Variants in ZNF154 observed in about 807,000 individuals in gnomAD.
ZNF154 encodes the protein zinc finger protein 154 (pHZ-92).
ZNF154 carries 6 observed loss-of-function variants against 7.5 expected under a neutral mutation model. The ratio of observed to expected loss-of-function variants is 0.80; its 90% CI spans 0.44 to 1.57. The LOEUF is 1.57. Ranked by LOEUF, ZNF154 falls within the 40% of genes most tolerant of loss-of-function variation. The pLI, the probability that ZNF154 is intolerant of heterozygous loss-of-function variation, is 0.01. For missense variants in ZNF154, 485 were observed against 531.4 expected (o/e 0.91, Z 0.86); for synonymous variants, 187 against 185.9 (o/e 1.01, Z -0.05).
In ZNF154 at chr19:57,698,606, A is replaced by C. The variant is rs1478444203; in HGVS notation, c.*3029T>G. On this transcript the variant is annotated 3_prime_UTR_variant, in exon 3 of 3. Coordinates refer to ENST00000684351, the MANE Select transcript of ZNF154 (RefSeq NM_001085384.3). ...ACCATTTATTCTTATTAAAATTATT[A>C]TCAGGTTAGTGCAAAAGTAATTGCC... 6.6e-6 allele frequency: 1 copy of C among 152,224 alleles called. No individual in the cohort carries two copies. Among genetic ancestry groups the C allele is most frequent in the African/African-American group, 2.4e-5 (1 of 41,458 alleles). The allele number at this position is 152,224 out of a possible 1,614,324, so 9.4% of individuals were successfully genotyped here.
chr19:57,702,709 G>T lies in ZNF154; in HGVS notation c.240C>A (p.Cys80Ter). The T allele has an allele frequency of 6.2e-7, 1 of 1,613,432 alleles. No individual in the cohort carries two copies. Among genetic ancestry groups the T allele is most frequent in the East Asian group, 2.2e-5 (1 of 44,872 alleles). Residue 80 changes from cysteine to a stop codon, truncating the protein, a stop_gained, in exon 3 of 3, where the codon TGC becomes TGA. Coordinates refer to ENST00000684351, the MANE Select transcript of ZNF154 (RefSeq NM_001085384.3). LOFTEE classifies it low-confidence loss of function (END_TRUNC). Reference sequence around the variant, plus strand: ...AAGGCTCCCCTGACACATGGAATGTGCAGGTCTTCACAAACAAGGCTCTGC... The same window carrying T: ...AAGGCTCCCCTGACACATGGAATGTTCAGGTCTTCACAAACAAGGCTCTGC... ...NVGRALFVKTCTFHVSGEPST... is the reference protein window; with the variant it reads ...NVGRALFVKT
rs113810471 is a variant in ZNF154, at chr19:57,703,075, G to A, written c.161-287C>T. ...GTGCACATTAACTATGGTGGGAGGG[G>A]GCAGCCCTTATACAAGTGTGTGTAT... is the stretch of plus-strand genomic sequence containing the variant. On this transcript the variant is annotated intron_variant, in intron 2 of 2. Coordinates refer to ENST00000684351, the MANE Select transcript of ZNF154 (RefSeq NM_001085384.3). Among the ~76,000 whole-genome samples the A allele has an allele frequency of 2.0e-3, 306 of 152,266 alleles. 2 individuals carry two copies. Among genetic ancestry groups the A allele is most frequent in the African/African-American group, 7.1e-3 (294 of 41,532 alleles).
At position 57,702,277 on chromosome 19, in the gene ZNF154, T is replaced by G. The variant is rs1486159529; in HGVS notation, c.672A>C (p.Lys224Asn). 3 of 1,614,124 alleles carry G rather than the reference T, an allele frequency of 1.9e-6. No individual in the cohort carries two copies. In the South Asian group the frequency reaches 3.3e-5, roughly 18 times the overall value. ...VRPHECDECG[K>N]LFSNKSNLIK... ...TGAGGTTAGACTTGTTGCTAAATAA[T>G]TTTCCACATTCATCACATTCATGAG... The change falls in exon 3 of 3, where the codon AAA becomes AAC. Residue 224 changes from lysine (K) to asparagine (N), a missense_variant. Transcript: ENST00000684351.
intron 1 of ZNF154, among the ~76,000 whole-genome samples, chr19:57,706,766 G>A (rs1985410159): frequency 6.6e-6 from 1 of 152,194 alleles, no homozygotes; most frequent in African/African-American, 2.4e-5. Flanking sequence ...TTGGTCCTTA[G>A]CCCCCATTCT....
intron 1 of ZNF154, among the ~76,000 whole-genome samples, chr19:57,707,070 G>A (rs931216988): frequency 7.6e-5 from 11 of 144,798 alleles, no homozygotes; most frequent in Admixed American, 6.5e-4. Flanking sequence ...CCAAGCTCGC[G>A]CCATTGCACT....
intron 1 of ZNF154, among the ~76,000 whole-genome samples, chr19:57,707,342 G>A: frequency 6.6e-6 from 1 of 152,106 alleles, no homozygotes; most frequent in East Asian, 1.9e-4. Flanking sequence ...GAATATTACT[G>A]TTAATACCAA....
At position 57,699,702 on chromosome 19, in the gene ZNF154, T is replaced by C. The variant is rs1284722826; in HGVS notation, c.*1933A>G. On this transcript the variant is annotated 3_prime_UTR_variant, in exon 3 of 3. Coordinates refer to ENST00000684351, the MANE Select transcript of ZNF154 (RefSeq NM_001085384.3). The stretch of plus-strand genomic sequence containing the variant: ...GGTGAAAAAGCTTGGCTGGGCGCAG[T>C]GGCTCATGCCTGTAAATCCCAGCAC... 6.3e-6 allele frequency: 1 copy of C among 158,394 alleles called. No homozygotes were observed. The highest frequency in any genetic ancestry group is 1.4e-5 in the Non-Finnish European group (1 of 70,550). 9.8% of individuals were successfully genotyped at this position (158,394 alleles called of 1,614,324 possible).
At chr19:57,707,724 C>T (rs1246270440) in intron 1 of ZNF154, among the ~76,000 whole-genome samples, 2 of 152,196 alleles carry the variant, frequency 1.3e-5, no homozygotes, top group East Asian at 3.8e-4. Context: ...TAAAAGGAAA[C>T]AGATCTATGG....
intron 2 of ZNF154, among the ~76,000 whole-genome samples, chr19:57,703,969 A>G (rs1201474516): frequency 2.0e-5 from 3 of 152,154 alleles, no homozygotes; most frequent in Non-Finnish European, 4.4e-5. Flanking sequence ...AGATCATGCC[A>G]CTGCACTCCA....
At chr19:57,703,265 A>T (rs1365061507) in intron 2 of ZNF154, among the ~76,000 whole-genome samples, 1 of 152,002 alleles carries the variant, frequency 6.6e-6, no homozygotes, top group African/African-American at 2.4e-5. Context: ...AGGTGGGTGG[A>T]TCACAAAGTC....
rs553550713 is a variant in ZNF154, at chr19:57,698,520, G to A, written c.*3115C>T. On this transcript the variant is annotated 3_prime_UTR_variant, in exon 3 of 3. Coordinates refer to ENST00000684351, the MANE Select transcript of ZNF154 (RefSeq NM_001085384.3). ...TTGGCAGTTTCAAAATTGGCATGGT[G>A]GGAGCAATTACAGGTTAATATGAAT... The A allele has an allele frequency of 6.6e-5, 10 of 152,242 alleles. No homozygotes were observed. Among genetic ancestry groups the A allele is most frequent in the African/African-American group, 2.4e-4 (10 of 41,542 alleles). The allele number at this position is 152,242 out of a possible 1,614,324, so 9.4% of individuals were successfully genotyped here.
intron 2 of ZNF154, among the ~76,000 whole-genome samples, chr19:57,703,521 G>T (rs749634754): frequency 6.8e-6 from 1 of 148,078 alleles, no homozygotes; most frequent in Non-Finnish European, 1.5e-5. Context: ...TTACAGGAAT[G>T]TGGGAGATCT....
At position 57,698,439 on chromosome 19, in the gene ZNF154, CAG is replaced by C. The variant is rs1415051211; in HGVS notation, c.*3194_*3195del. On this transcript the variant is annotated 3_prime_UTR_variant, in exon 3 of 3. Transcript: ENST00000684351. ...GGCCACTGTATCAGTATGGTAGAAA[CAG>C]AATATATTAGGATGCTATCAGCAAC... 1 of 152,116 alleles carries C rather than the reference CAG, an allele frequency of 6.6e-6. No homozygotes were observed. The highest frequency in any genetic ancestry group is 2.4e-5 in the African/African-American group (1 of 41,412). The allele number at this position is 152,116 out of a possible 1,614,324, so 9.4% of individuals were successfully genotyped here.
chr19:57,701,707 C>T lies in ZNF154; in HGVS notation c.1242G>A (p.Glu414=). The change falls in exon 3 of 3, where the codon GAG becomes GAA. Residue 414 remains glutamate, a synonymous_variant. Transcript: ENST00000684351. ...RRVHTGEKPY[E]CTECGKSFSH... ...TAAAGGATTTCCCACATTCCGTGCA[C>T]TCATAAGGCTTCTCCCCAGTGTGAA... 6.2e-7 allele frequency: 1 copy of T among 1,614,170 alleles called. No individual in the cohort carries two copies. Among genetic ancestry groups the T allele is most frequent in the Non-Finnish European group, 8.5e-7 (1 of 1,180,008 alleles).
chr19:57,701,513 G>T lies in ZNF154; in HGVS notation c.*122C>A. 2 of 1,061,524 alleles carry T rather than the reference G, an allele frequency of 1.9e-6. No individual in the cohort carries two copies. The highest frequency in any genetic ancestry group is 2.7e-6 in the Non-Finnish European group (2 of 746,324). 65.8% of individuals were successfully genotyped at this position (1,061,524 alleles called of 1,614,324 possible). On this transcript the variant is annotated 3_prime_UTR_variant, in exon 3 of 3. Coordinates refer to ENST00000684351, the MANE Select transcript of ZNF154 (RefSeq NM_001085384.3). ...TACATATCAAAAGTGTCTTTCCCTT[G>T]TGAACTGTGTGGCACTCAATGAGAT...
chr19:57,709,002 C>T lies in ZNF154; in HGVS notation c.-31G>A, dbSNP rs1251402237. The T allele has an allele frequency of 4.6e-6, 7 of 1,535,666 alleles. No homozygotes were observed. Among genetic ancestry groups the T allele is most frequent in the South Asian group, 1.2e-5 (1 of 84,072 alleles). On this transcript the variant is annotated 5_prime_UTR_variant, in exon 1 of 3. Coordinates refer to ENST00000684351, the MANE Select transcript of ZNF154 (RefSeq NM_001085384.3). ...TCTGCGGGTAGAGCTGGGCCGGGAG[C>T]GACGGGCGACATTGGTAGGGACCCG...
At chr19:57,708,800 G>T in intron 1 of ZNF154, 139 bp downstream of exon 1, 1 of 1,157,544 alleles carries the variant, frequency 8.6e-7, no homozygotes, top group Non-Finnish European at 1.2e-6. Flanking sequence ...CACACGCAGT[G>T]TCAAAAAAAG....
rs1282344829 is a variant in ZNF154 at position 57,700,101 on chromosome 19, C to G, written c.*1534G>C. On this transcript the variant is annotated 3_prime_UTR_variant, in exon 3 of 3. Transcript: ENST00000684351. ...TTTTTGGAAAATCAGGTTTGACAAC[C>G]CTATGTTGATTCCACCATCTCTCTC... 2.0e-5 allele frequency: 3 copies of G among 152,136 alleles called. No individual in the cohort carries two copies. The highest frequency in any genetic ancestry group is 6.5e-5 in the Admixed American group (1 of 15,272). The allele number at this position is 152,136 out of a possible 1,614,324, so 9.4% of individuals were successfully genotyped here. A position where few individuals can be genotyped will look rare whatever the true frequency, so the allele number is the denominator to read the frequency against.
Position 57,702,311 on chromosome 19 carries a change from G to A in ZNF154, c.638C>T (p.Ala213Val). 6.2e-7 allele frequency: 1 copy of A among 1,612,826 alleles called. No homozygotes were observed. Among genetic ancestry groups the A allele is most frequent in the Non-Finnish European group, 8.5e-7 (1 of 1,178,972 alleles). ...SLIQHRRVHTAVRPHECDECG... is the reference protein window; with the variant it reads ...SLIQHRRVHTVVRPHECDECG... ...TTCATCACATTCATGAGGTCGTACT[G>A]CAGTGTGAACTCTCCGGTGCTGAAT... Residue 213 changes from alanine (A) to valine (V), a missense_variant, in exon 3 of 3, where the codon GCA (alanine) becomes GTA (valine). By Grantham distance (64) the Ala-to-Val change is moderately conservative (BLOSUM62 0). Coordinates refer to ENST00000684351, the MANE Select transcript of ZNF154 (RefSeq NM_001085384.3).
Sources: allele counts gnomAD v4.1 joint callset (sites outside exome capture counted in the v4.1 genomes callset), GRCh38; gene constraint gnomAD v4.1.1; transcripts MANE v1.5; gene names NCBI Gene and HGNC (gene_info 2026-07-23, HGNC 2026-07-21).